ERCC3: variants seen among roughly 807,000 people sequenced by gnomAD.
ERCC3 encodes the protein ERCC excision repair 3, TFIIH core complex helicase subunit.
ERCC3 carries 66 observed loss-of-function variants against 94.2 expected under a neutral mutation model. The ratio of observed to expected loss-of-function variants is 0.70; its 90% CI spans 0.57 to 0.86. The LOEUF (loss-of-function observed/expected upper bound fraction) is 0.86, where lower values mean the gene tolerates loss of function less well. ERCC3 is among the 40% of genes least tolerant of loss of function. The probability of loss-of-function intolerance (pLI) is 0.00; values close to 1 mark genes in which losing one functional copy is unlikely to be tolerated. For missense variants in ERCC3, 829 were observed against 987.1 expected (o/e 0.84, Z 2.15); for synonymous variants, 349 against 369.1 (o/e 0.95, Z 0.63).
chr2:127,293,483 G>A (rs1162737329), intron 2 of ERCC3, 30 bp downstream of exon 2: 6 of 1,602,532 alleles, frequency 3.7e-6, no homozygotes, highest in Non-Finnish European at 4.3e-6. Flanking sequence ...GCACACTCCT[G>A]GGCCCTGCCC....
In ERCC3 at chr2:127,271,313, C is replaced by T. The variant is rs1007868190; in HGVS notation, c.1945+23G>A. The T allele has an allele frequency of 6.6e-7, 1 of 1,525,828 alleles. No homozygotes were observed. The highest frequency in any genetic ancestry group is 9.1e-7 in the Non-Finnish European group (1 of 1,099,582). The allele number at this position is 1,525,828 out of a possible 1,614,324, so 94.5% of individuals were successfully genotyped here. A position where few individuals can be genotyped will look rare whatever the true frequency, so the allele number is the denominator to read the frequency against. Reference sequence around the variant, plus strand: ...GTTTAAGAGGAGTGACCTCCTGCAACAGAAGATGAAAGGCCACTTTACCTT... The same window carrying T: ...GTTTAAGAGGAGTGACCTCCTGCAATAGAAGATGAAAGGCCACTTTACCTT... On this transcript the variant is annotated intron_variant, in intron 12 of 14. Coordinates refer to ENST00000285398, the MANE Select transcript of ERCC3 (RefSeq NM_000122.2). This position sits in a 1 kb window ranked among gnomAD's most constrained non-coding sequence, Gnocchi z 5.0.
Position 127,266,443 on chromosome 2 carries a change from C to A in ERCC3, c.1945+4893G>T, listed in dbSNP as rs540535297. Among the ~76,000 whole-genome samples, 10 of 145,512 alleles carry A rather than the reference C, an allele frequency of 6.9e-5. No individual in the cohort carries two copies. The South Asian group carries it at 2.3e-3, about 33-fold the overall frequency. On this transcript the variant is annotated intron_variant, in intron 12 of 14. Transcript: ENST00000285398. The stretch of plus-strand genomic sequence containing the variant: ...CTCCGCCTCCCAGGTTCACGCCATT[C>A]TCCTGCCTCAGCCTCCCGAGTAGCT...
rs1046184188 is a variant in ERCC3, at chr2:127,258,498, G to C, written c.2218-771C>G. Among the ~76,000 whole-genome samples, 1 of 152,176 alleles carries C rather than the reference G, an allele frequency of 6.6e-6. No homozygotes were observed. The highest frequency in any genetic ancestry group is 6.5e-5 in the Admixed American group (1 of 15,274). ...TCCTTAAAACCAGTGAGAGCAATGA[G>C]AGCACTCTCCTGGGTTCCCATGGAG... On this transcript the variant is annotated intron_variant, in intron 14 of 14. Coordinates refer to ENST00000285398, the MANE Select transcript of ERCC3 (RefSeq NM_000122.2). This position sits in a 1 kb window ranked among gnomAD's most constrained non-coding sequence, Gnocchi z 4.1.
intron 10 of ERCC3, among the ~76,000 whole-genome samples, chr2:127,273,641 C>T (rs533018094): frequency 2.6e-3 from 373 of 143,712 alleles, no homozygotes; most frequent in African/African-American, 8.4e-3. Flanking sequence ...CCCAGCTACT[C>T]GGGAGGCTGA....
At chr2:127,270,874 C>T (rs1414488836) in intron 12 of ERCC3, among the ~76,000 whole-genome samples, 2 of 152,246 alleles carry the variant, frequency 1.3e-5, no homozygotes, top group Non-Finnish European at 2.9e-5. Flanking sequence ...AAGCTGCCAC[C>T]AGGGCGGCAC....
rs1303576821 is a variant in ERCC3 at position 127,271,330 on chromosome 2, CT to C, written c.1945+5del. Reference sequence around the variant, plus strand: ...TCCTGCAACAGAAGATGAAAGGCCACTTTACCTTTTTTAGCTCGAAGCACCC... The same window carrying C: ...TCCTGCAACAGAAGATGAAAGGCCACTTACCTTTTTTAGCTCGAAGCACCC... On this transcript the variant is annotated splice_donor_5th_base_variant and intron_variant, in intron 12 of 14. Transcript: ENST00000285398. The surrounding 1 kb of genome is among the most constrained non-coding windows in gnomAD (Gnocchi z 5.0). The C allele has an allele frequency of 6.2e-7, 1 of 1,601,304 alleles. No individual in the cohort carries two copies. Among genetic ancestry groups the C allele is most frequent in the East Asian group, 2.2e-5 (1 of 44,852 alleles).
chr2:127,283,160 T>A (rs556739716), intron 8 of ERCC3, among the ~76,000 whole-genome samples: 1 of 150,738 alleles, frequency 6.6e-6, no homozygotes, highest in Non-Finnish European at 1.5e-5. Context: ...GGCACTTCTA[T>A]GCATTTTAAC....
rs1360787467 is a variant in ERCC3 at position 127,271,249 on chromosome 2, A to G, written c.1945+87T>C. 3.3e-6 allele frequency: 3 copies of G among 908,624 alleles called. No homozygotes were observed. In the Admixed American group the frequency reaches 5.1e-5, roughly 15 times the overall value. The allele number at this position is 908,624 out of a possible 1,614,324, so 56.3% of individuals were successfully genotyped here. On this transcript the variant is annotated intron_variant, in intron 12 of 14. Transcript: ENST00000285398. The surrounding 1 kb of genome is among the most constrained non-coding windows in gnomAD (Gnocchi z 5.0). Reference sequence around the variant, plus strand: ...CAGAGTCTATTTAGCCCCAGGGCACATGGCAGCTCTCACCCCTATCGTCTT... The same window carrying G: ...CAGAGTCTATTTAGCCCCAGGGCACGTGGCAGCTCTCACCCCTATCGTCTT...
In ERCC3 at chr2:127,291,567, G is replaced by A. The variant is rs557157199; in HGVS notation, c.471+1043C>T. On this transcript the variant is annotated intron_variant, in intron 3 of 14. Transcript: ENST00000285398. This position sits in a 1 kb window ranked among gnomAD's most constrained non-coding sequence, Gnocchi z 4.9. ...TGAGCCACTGCACCTGGCCGGGCAC[G>A]CTTTCACATCACAGGAAAAGAGAGT... Among the ~76,000 whole-genome samples the A allele has an allele frequency of 2.0e-5, 3 of 152,174 alleles. No individual in the cohort carries two copies. The highest frequency in any genetic ancestry group is 4.8e-5 in the African/African-American group (2 of 41,442).
rs1685256800 is a variant in ERCC3, at chr2:127,291,133, C to T, written c.472-860G>A. ...AGTCAGACTTTGAGGGGCTGCCTATCCCCGCTGTTGTCCCTGATCCACCAC... is the reference window on the plus strand; with the variant it reads ...AGTCAGACTTTGAGGGGCTGCCTATTCCCGCTGTTGTCCCTGATCCACCAC... On this transcript the variant is annotated intron_variant, in intron 3 of 14. Coordinates refer to ENST00000285398, the MANE Select transcript of ERCC3 (RefSeq NM_000122.2). The surrounding 1 kb of genome is among the most constrained non-coding windows in gnomAD (Gnocchi z 4.9). Among the ~76,000 whole-genome samples the T allele has an allele frequency of 6.6e-6, 1 of 152,130 alleles. No homozygotes were observed. Among genetic ancestry groups the T allele is most frequent in the Non-Finnish European group, 1.5e-5 (1 of 68,008 alleles).
intron 12 of ERCC3, among the ~76,000 whole-genome samples, chr2:127,268,675 T>C (rs982417939): frequency 1.3e-5 from 2 of 152,224 alleles, no homozygotes; most frequent in Admixed American, 6.5e-5. Context: ...TATGACCCTT[T>C]CTCTAGCTGT....
intron 8 of ERCC3, among the ~76,000 whole-genome samples, chr2:127,285,248 T>C (rs1301421676): frequency 6.6e-6 from 1 of 152,088 alleles, no homozygotes; most frequent in Non-Finnish European, 1.5e-5. Context: ...TGCAAATGAG[T>C]ACAAAGGAAA....
chr2:127,259,991 G>A lies in ERCC3; in HGVS notation c.2065-543C>T, dbSNP rs906401759. 2 of 173,252 alleles carry A rather than the reference G, an allele frequency of 1.2e-5. No homozygotes were observed. Among genetic ancestry groups the A allele is most frequent in the East Asian group, 2.9e-4 (2 of 6,820 alleles). 10.7% of individuals were successfully genotyped at this position (173,252 alleles called of 1,614,324 possible). On this transcript the variant is annotated intron_variant, in intron 13 of 14. Coordinates refer to ENST00000285398, the MANE Select transcript of ERCC3 (RefSeq NM_000122.2). This position sits in a 1 kb window ranked among gnomAD's most constrained non-coding sequence, Gnocchi z 4.9. Reference sequence around the variant, plus strand: ...GTGGAGACTGGGTTTTCATTTCTATGGGGATAACTTACTACAAGGGCTCCC... The same window carrying A: ...GTGGAGACTGGGTTTTCATTTCTATAGGGATAACTTACTACAAGGGCTCCC...
chr2:127,286,603 G>T (rs1343298049), intron 8 of ERCC3, 100 bp downstream of exon 8: 15 of 1,129,652 alleles, frequency 1.3e-5, no homozygotes, highest in African/African-American at 3.0e-5. Context: ...AGTCTTTCTA[G>T]CCAGTTGGGT....
In ERCC3 at chr2:127,289,343, G is replaced by T; in HGVS notation, c.816C>A (p.Val272=). 1.2e-6 allele frequency: 2 copies of T among 1,613,738 alleles called. No individual in the cohort carries two copies. The highest frequency in any genetic ancestry group is 2.2e-5 in the South Asian group (2 of 91,020). The change falls in exon 6 of 15, where the codon GTC becomes GTA. Residue 272 remains valine (V), a synonymous_variant. Coordinates refer to ENST00000285398, the MANE Select transcript of ERCC3 (RefSeq NM_000122.2). The part of the protein sequence containing the change: ...EEETQTVSFE[V]KQEMIEELQK... The stretch of plus-strand genomic sequence containing the variant: ...GGAAGGTACATTCACTAACCTGCTT[G>T]ACTTCAAAAGACACTGTCTGTGTCT...
chr2:127,266,828 T>C (rs1271391145), intron 12 of ERCC3, among the ~76,000 whole-genome samples: 1 of 150,156 alleles, frequency 6.7e-6, no homozygotes, highest in African/African-American at 2.5e-5. Flanking sequence ...TCAGTTCTCC[T>C]GCCTCAGGCT....
chr2:127,266,718 T>A (rs1400105997), intron 12 of ERCC3, among the ~76,000 whole-genome samples: 13 of 141,234 alleles, frequency 9.2e-5, no homozygotes, highest in Admixed American at 2.8e-4. Context: ...TATTTTTTTT[T>A]TTTTTTTTTT....
Position 127,288,614 on chromosome 2 carries a change from C to T in ERCC3, c.1027+46G>A. On this transcript the variant is annotated intron_variant, in intron 7 of 14. Coordinates refer to ENST00000285398, the MANE Select transcript of ERCC3 (RefSeq NM_000122.2). ...AGAAAGCGGGAGGCAGCTGGCAGAT[C>T]CAGACACAACAGCCTGACCACCTTC... 3 of 1,529,796 alleles carry T rather than the reference C, an allele frequency of 2.0e-6. No individual in the cohort carries two copies. The South Asian group carries it at 3.4e-5, about 17-fold the overall frequency. The allele number at this position is 1,529,796 out of a possible 1,614,324, so 94.8% of individuals were successfully genotyped here.
At chr2:127,278,042 C>T (rs1327849458) in intron 10 of ERCC3, among the ~76,000 whole-genome samples, 1 of 152,002 alleles carries the variant, frequency 6.6e-6, no homozygotes, top group Non-Finnish European at 1.5e-5. Context: ...GAGTTTGAGA[C>T]CAGCCTGGGC....
Sources: gnomAD v4.1 joint callset for allele counts (sites outside exome capture counted in the v4.1 genomes callset) on GRCh38, gnomAD v4.1.1 for gene constraint, Gnocchi (gnomAD v3.1) non-coding constraint, MANE v1.5 for transcripts, NCBI Gene and HGNC (gene_info 2026-07-23, HGNC 2026-07-21) for gene names.